SYT14: variants seen among roughly 807,000 people sequenced by gnomAD.
SYT14 encodes the protein synaptotagmin 14.
Under a neutral mutation model 74.2 loss-of-function variants are expected in SYT14, and 32 were observed. The observed-to-expected ratio is 0.43, with a 90% CI of 0.33 to 0.58. SYT14 has a LOEUF of 0.58. SYT14 is among the 20% of genes least tolerant of loss of function. SYT14 has a pLI of 0.05. For synonymous variants in SYT14, 298 were observed against 337.7 expected (o/e 0.88, Z 1.29); for missense variants, 791 against 981.8 (o/e 0.81, Z 2.60).
chr1:209,963,407 G>A (rs1046297773), intron 2 of SYT14, among the ~76,000 whole-genome samples: 2 of 152,154 alleles, frequency 1.3e-5, no homozygotes, highest in African/African-American at 4.8e-5. Context: ...GGAGGGTAGG[G>A]AAGAGGGAAA....
intron 5 of SYT14, among the ~76,000 whole-genome samples, chr1:210,063,414 A>G (rs1019907142): frequency 6.6e-5 from 10 of 151,802 alleles, no homozygotes; most frequent in South Asian, 2.1e-4. Flanking sequence ...TTGTGTTCCA[A>G]TTAATTTCTC....
At chr1:209,987,037 T>G (rs1461068126) in intron 2 of SYT14, among the ~76,000 whole-genome samples, 1 of 152,228 alleles carries the variant, frequency 6.6e-6, no homozygotes, top group African/African-American at 2.4e-5. Flanking sequence ...AGTGTGTTTG[T>G]CATTTCCATC....
intron 5 of SYT14, among the ~76,000 whole-genome samples, chr1:210,060,476 A>G (rs2081188138): frequency 6.6e-6 from 1 of 152,062 alleles, no homozygotes; most frequent in African/African-American, 2.4e-5. Context: ...ATTTGTCTCT[A>G]TGTCAGGATT....
intron 1 of SYT14, among the ~76,000 whole-genome samples, chr1:209,942,967 A>G (rs951731333): frequency 1.3e-5 from 2 of 152,116 alleles, no homozygotes; most frequent in Admixed American, 6.6e-5. Flanking sequence ...AATGTACCTT[A>G]TAGTTTGCTA....
intron 7 of SYT14, among the ~76,000 whole-genome samples, chr1:210,125,544 C>G (rs1239269745): frequency 6.6e-6 from 1 of 152,144 alleles, no homozygotes; most frequent in Non-Finnish European, 1.5e-5. Context: ...CCTGCCTTCC[C>G]ACTACTTAGT....
intron 5 of SYT14, among the ~76,000 whole-genome samples, chr1:210,024,808 A>T (rs951272822): frequency 2.6e-5 from 4 of 152,164 alleles, no homozygotes; most frequent in Non-Finnish European, 5.9e-5. Context: ...AGTAAGAGAT[A>T]AAGAGGAGAA....
At chr1:210,139,265 C>CTTTTT (rs960923188) in intron 7 of SYT14, among the ~76,000 whole-genome samples, 17 of 95,858 alleles carry the variant, frequency 1.8e-4, no homozygotes, top group South Asian at 3.6e-4. Flanking sequence ...TTTCTTTTTT[C>CTTTTT]TTTTTTTTTT....
intron 7 of SYT14, among the ~76,000 whole-genome samples, chr1:210,106,720 G>A (rs181222634): frequency 7.0e-4 from 106 of 152,202 alleles, no homozygotes; most frequent in African/African-American, 2.4e-3. Context: ...CGGGATTATG[G>A]GAACTACAAT....
At chr1:209,947,727 C>T (rs2078844959) in intron 1 of SYT14, among the ~76,000 whole-genome samples, 1 of 152,168 alleles carries the variant, frequency 6.6e-6, no homozygotes, top group African/African-American at 2.4e-5. Context: ...GGACTGACTC[C>T]AGTTTTTAAA....
intron 5 of SYT14, among the ~76,000 whole-genome samples, chr1:210,045,489 T>G (rs2080868564): frequency 6.6e-6 from 1 of 152,168 alleles, no homozygotes; most frequent in Admixed American, 6.6e-5. Flanking sequence ...AAAATTAACT[T>G]TAAATACAGA....
exon 10 of SYT14, chr1:210,166,643 GAGAAGGGAA>G (rs765510538): frequency 1.1e-4 from 16 of 152,118 alleles, no homozygotes; most frequent in African/African-American, 2.2e-4. Flanking sequence ...AAGAATGAAG[GAGAAGGGAA>G]AGAAGGGAGG....
chr1:210,101,147 C>T (rs1300635447), intron 7 of SYT14, among the ~76,000 whole-genome samples: 1 of 152,096 alleles, frequency 6.6e-6, no homozygotes, highest in Non-Finnish European at 1.5e-5. Context: ...TTGCAAATCA[C>T]AGGAGAGAAA....
chr1:209,976,359 C>G (rs2079364560), intron 2 of SYT14, among the ~76,000 whole-genome samples: 1 of 143,518 alleles, frequency 7.0e-6, no homozygotes, highest in South Asian at 2.4e-4. Flanking sequence ...AAATTTCCCT[C>G]TCCACACTGC....
chr1:209,980,862 GT>G (rs1400521154), intron 2 of SYT14, among the ~76,000 whole-genome samples: 1 of 152,178 alleles, frequency 6.6e-6, no homozygotes, highest in Non-Finnish European at 1.5e-5. Context: ...TTGTGGTATG[GT>G]TTGAAGTTGG....
intron 5 of SYT14, among the ~76,000 whole-genome samples, chr1:210,052,536 G>T (rs1290320598): frequency 6.6e-6 from 1 of 151,294 alleles, no homozygotes; most frequent in African/African-American, 2.4e-5. Context: ...GGTGGCGGGC[G>T]CCAATAATCC....
At chr1:210,024,263 C>T (rs2080363451) in intron 5 of SYT14, among the ~76,000 whole-genome samples, 1 of 152,058 alleles carries the variant, frequency 6.6e-6, no homozygotes, top group Admixed American at 6.6e-5. Flanking sequence ...TAGCAGCAAG[C>T]AGACTATCAG....
chr1:210,121,755 C>A (rs540986366), intron 7 of SYT14, among the ~76,000 whole-genome samples: 1 of 150,004 alleles, frequency 6.7e-6, no homozygotes, highest in Non-Finnish European at 1.5e-5. Flanking sequence ...GATCGCACCA[C>A]TGCACTCTAG....
intron 2 of SYT14, among the ~76,000 whole-genome samples, chr1:209,969,309 A>C (rs1441257397): frequency 6.6e-6 from 1 of 152,086 alleles, no homozygotes; most frequent in Non-Finnish European, 1.5e-5. Flanking sequence ...AAGTTATCTG[A>C]GAAATCTCAG....
intron 7 of SYT14, among the ~76,000 whole-genome samples, chr1:210,149,266 C>A (rs1325051981): frequency 6.7e-6 from 1 of 148,810 alleles, no homozygotes; most frequent in Non-Finnish European, 1.5e-5. Context: ...CTCACTGCAA[C>A]CTCCACCTCG....
Sources: gnomAD v4.1 joint callset for allele counts (sites outside exome capture counted in the v4.1 genomes callset) on GRCh38, gnomAD v4.1.1 for gene constraint, MANE v1.5 for transcripts, NCBI Gene and HGNC (gene_info 2026-07-23, HGNC 2026-07-21) for gene names.